RHOBTB2: variants seen among roughly 807,000 people sequenced by gnomAD.
RHOBTB2 encodes Rho related BTB domain containing 2, also known as rho-related BTB domain-containing protein 2.
Under a neutral mutation model 66.5 loss-of-function variants are expected in RHOBTB2, and 39 were observed. The ratio of observed to expected loss-of-function variants is 0.59; its 90% confidence interval spans 0.45 to 0.77. RHOBTB2 has a LOEUF of 0.77. Ranked by LOEUF, RHOBTB2 falls within the 30% of genes least tolerant of loss-of-function variation. The probability of loss-of-function intolerance (pLI) is 0.00; values close to 1 mark genes in which losing one functional copy is unlikely to be tolerated. For synonymous variants in RHOBTB2, 390 were observed against 395.0 expected, an observed-to-expected ratio of 0.99 and a Z score of 0.15; for missense variants, 755 against 999.1, an observed-to-expected ratio of 0.76 and a Z score of 3.29.
At chr8:22,971,899 G>A in the RHOBTB2 span, among the ~76,000 whole-genome samples, 1 of 152,126 alleles carries the variant, frequency 6.6e-6, no homozygotes, top group South Asian at 2.1e-4. Context: ...CCCCTTGCTG[G>A]CCATTATTTA....
Position 23,017,992 on chromosome 8 carries a change from C to G in RHOBTB2, c.*523C>G, listed in dbSNP as rs550105724. The G allele has an allele frequency of 3.7e-5, 6 of 161,968 alleles. No individual in the cohort carries two copies. The East Asian group carries it at 5.2e-4, about 14-fold the overall frequency. The allele number at this position is 161,968 out of a possible 1,614,324, so 10.0% of individuals were successfully genotyped here. On this transcript the variant is annotated 3_prime_UTR_variant, in exon 10 of 10. Transcript: ENST00000251822. The surrounding 1 kb of genome is among the most constrained non-coding windows in gnomAD (Gnocchi z 5.3). Reference sequence around the variant, plus strand: ...GAAGTCAGGGTAGAAATTGAGCCTTCAGAGCCCAACTCAAGGCTTCTACAT... The same window carrying G: ...GAAGTCAGGGTAGAAATTGAGCCTTGAGAGCCCAACTCAAGGCTTCTACAT...
chr8:23,011,789 G>A (rs1021693042), intron 7 of RHOBTB2, among the ~76,000 whole-genome samples: 1 of 152,206 alleles, frequency 6.6e-6, no homozygotes, highest in African/African-American at 2.4e-5. Context: ...TCTTGCATAG[G>A]TCGGGGACAG....
upstream of RHOBTB2, among the ~76,000 whole-genome samples, chr8:22,983,571 A>G (rs1810246471): frequency 6.6e-6 from 1 of 151,906 alleles, no homozygotes; most frequent in Non-Finnish European, 1.5e-5. Context: ...AAAAATATAG[A>G]GAGTTACTTA....
intron 7 of RHOBTB2, among the ~76,000 whole-genome samples, chr8:23,013,323 C>T (rs1811199495): frequency 1.3e-5 from 2 of 152,016 alleles, no homozygotes; most frequent in Non-Finnish European, 2.9e-5. Context: ...AAGTCCTCCA[C>T]CTCTCCCTCC....
chr8:22,967,194 T>C, the RHOBTB2 span, among the ~76,000 whole-genome samples: 1 of 152,180 alleles, frequency 6.6e-6, no homozygotes, highest in Non-Finnish European at 1.5e-5. Context: ...ATAAATAAAA[T>C]GTCATATACA....
the RHOBTB2 span, among the ~76,000 whole-genome samples, chr8:22,975,242 G>T: frequency 6.6e-6 from 1 of 152,094 alleles, no homozygotes; most frequent in Non-Finnish European, 1.5e-5. Context: ...CCCTTCACCT[G>T]CCCCACCCTG....
chr8:23,000,037 A>G lies in RHOBTB2; in HGVS notation c.-79A>G. On this transcript the variant is annotated 5_prime_UTR_variant, in exon 1 of 10. Coordinates refer to ENST00000251822, the MANE Select transcript of RHOBTB2 (RefSeq NM_015178.3). ...GCGGAGGGACCCCTGACATTTCACT[A>G]AAATGAGCGTGCTCAGCAGGAAGAG... 1 of 985,512 alleles carries G rather than the reference A, an allele frequency of 1.0e-6. No homozygotes were observed. Among genetic ancestry groups the G allele is most frequent in the Non-Finnish European group, 1.2e-6 (1 of 829,982 alleles). 61.0% of individuals were successfully genotyped at this position (985,512 alleles called of 1,614,324 possible).
chr8:22,956,231 C>T, the RHOBTB2 span, among the ~76,000 whole-genome samples: 2 of 152,184 alleles, frequency 1.3e-5, no homozygotes, highest in African/African-American at 4.8e-5. Context: ...ATTCAGTGCT[C>T]ACAAGTTTTC....
upstream of RHOBTB2, chr8:22,999,514 G>A (rs1017772612): frequency 3.8e-6 from 3 of 782,614 alleles, no homozygotes; most frequent in Non-Finnish European, 4.8e-6. Context: ...CCCGCCCCCC[G>A]AACGCTTTCC....
the RHOBTB2 span, among the ~76,000 whole-genome samples, chr8:22,954,084 A>C: frequency 6.6e-6 from 1 of 152,258 alleles, no homozygotes; most frequent in African/African-American, 2.4e-5. Context: ...GGTTTCAAAA[A>C]GGGTAAAATC....
chr8:23,015,243 T>C (rs1419462092), intron 8 of RHOBTB2, among the ~76,000 whole-genome samples: 2 of 152,194 alleles, frequency 1.3e-5, no homozygotes, highest in Non-Finnish European at 1.5e-5. Flanking sequence ...CAGACACCCC[T>C]GGGAAGGCAG....
At chr8:22,988,738 C>T (rs570992890) in intron 1 of RHOBTB2, among the ~76,000 whole-genome samples, 3 of 152,338 alleles carry the variant, frequency 2.0e-5, no homozygotes, top group Admixed American at 1.3e-4. Flanking sequence ...CCCAGCCAGG[C>T]TGCTGTCACT....
upstream of RHOBTB2, among the ~76,000 whole-genome samples, chr8:22,986,385 GC>G (rs1810290069): frequency 6.8e-6 from 1 of 147,322 alleles, no homozygotes; most frequent in Non-Finnish European, 1.5e-5. Flanking sequence ...TCCCACCTCA[GC>G]CTCCTGGATA....
intron 2 of RHOBTB2, among the ~76,000 whole-genome samples, chr8:22,992,755 A>T (rs111515886): frequency 6.3e-4 from 96 of 152,364 alleles, no homozygotes; most frequent in African/African-American, 2.1e-3. Context: ...CTTGAAAGAC[A>T]CAAACCATGC....
the RHOBTB2 span, among the ~76,000 whole-genome samples, chr8:22,979,809 G>A: frequency 7.3e-6 from 1 of 136,456 alleles, no homozygotes; most frequent in Non-Finnish European, 1.5e-5. Context: ...CCAGGCTGGA[G>A]TGCAGTGGAG....
chr8:22,999,792 C>G lies in RHOBTB2; in HGVS notation c.-324C>G. ...GCCCCTGCGCGCCGCCCGCTGCCTC[C>G]GCAGCCCGGCTCCGCGCGCCGCCGT... On this transcript the variant is annotated 5_prime_UTR_variant, in exon 1 of 10. Transcript: ENST00000251822. 2.0e-6 allele frequency: 2 copies of G among 984,258 alleles called. No individual in the cohort carries two copies. The highest frequency in any genetic ancestry group is 2.4e-6 in the Non-Finnish European group (2 of 830,362). The allele number at this position is 984,258 out of a possible 1,614,324, so 61.0% of individuals were successfully genotyped here. A position where few individuals can be genotyped will look rare whatever the true frequency, so the allele number is the denominator to read the frequency against.
chr8:22,964,821 TTTA>T, the RHOBTB2 span, among the ~76,000 whole-genome samples: 2 of 108,352 alleles, frequency 1.8e-5, no homozygotes, highest in Non-Finnish European at 2.2e-5. Flanking sequence ...TATTTATTTA[TTTA>T]TTTATTTATT....
upstream of RHOBTB2, among the ~76,000 whole-genome samples, chr8:22,983,316 G>C (rs1411607008): frequency 5.4e-5 from 8 of 148,386 alleles, no homozygotes; most frequent in African/African-American, 2.0e-4. Context: ...TCCAGTGAAA[G>C]ACAGTTCAAA....
At chr8:22,995,462 A>G (rs1307858199), upstream of RHOBTB2, among the ~76,000 whole-genome samples, 6 of 152,252 alleles carry the variant, frequency 3.9e-5, no homozygotes, top group African/African-American at 1.4e-4. Flanking sequence ...GAAAGTATTC[A>G]TGGAAGGCTT....
Sources: allele counts gnomAD v4.1 joint callset (sites outside exome capture counted in the v4.1 genomes callset), GRCh38; gene constraint gnomAD v4.1.1; non-coding constraint Gnocchi (gnomAD v3.1); transcripts MANE v1.5; gene names NCBI Gene and HGNC (gene_info 2026-07-23, HGNC 2026-07-21).